The following WDFY3 variants were observed in gnomAD, a reference collection of about 807,000 sequenced individuals.
The protein encoded by WDFY3 is WD repeat and FYVE domain-containing protein 3.
Under a neutral mutation model 409.6 loss-of-function variants are expected in WDFY3, and 66 were observed. That is an observed-to-expected ratio of 0.16 (90% CI 0.13 to 0.20). The LOEUF (loss-of-function observed/expected upper bound fraction) is 0.20. WDFY3 is among the 10% of genes least tolerant of loss of function. The pLI is 1.00. For missense variants in WDFY3, 3,031 were observed against 4,298.1 expected (o/e 0.71, Z 8.24); for synonymous variants, 1,521 against 1,537.1 (o/e 0.99, Z 0.25).
At chr4:84,726,313 A>C (rs1735647570) in intron 45 of WDFY3, among the ~76,000 whole-genome samples, 1 of 152,130 alleles carries the variant, frequency 6.6e-6, no homozygotes, top group Non-Finnish European at 1.5e-5. Context: ...TTTTTTATTA[A>C]ATTATGTACT....
intron 35 of WDFY3, among the ~76,000 whole-genome samples, chr4:84,752,551 T>A (rs1578366798): frequency 1.3e-5 from 2 of 149,796 alleles, no homozygotes; most frequent in African/African-American, 2.4e-5. Context: ...AAAAAGATGC[T>A]GACAAGGAAA....
intron 27 of WDFY3, among the ~76,000 whole-genome samples, chr4:84,778,201 CT>C (rs1357989405): frequency 6.6e-6 from 1 of 152,122 alleles, no homozygotes; most frequent in Non-Finnish European, 1.5e-5. Context: ...GAAAAAGTTT[CT>C]ATCAGAATTG....
chr4:84,842,571 A>T (rs1757521771), intron 5 of WDFY3, among the ~76,000 whole-genome samples: 1 of 152,244 alleles, frequency 6.6e-6, no homozygotes, highest in African/African-American at 2.4e-5. Context: ...CAAGGTCAGG[A>T]GATCGAGGCC....
chr4:84,826,805 C>T lies in WDFY3; in HGVS notation c.1123+10G>A, dbSNP rs1466983149. On this transcript the variant is annotated intron_variant, in intron 10 of 67. Coordinates refer to ENST00000295888, the MANE Select transcript of WDFY3 (RefSeq NM_014991.6). ...TCTCAGTAGCACAGAAGGGAAAAAA[C>T]AAGACTCACCTTTGCCTGCAGGCTG... 2.5e-6 allele frequency: 4 copies of T among 1,582,262 alleles called. No individual in the cohort carries two copies. The highest frequency in any genetic ancestry group is 2.7e-5 in the African/African-American group (2 of 72,916).
At chr4:84,930,683 T>G (rs867051536) in intron 2 of WDFY3, among the ~76,000 whole-genome samples, 15 of 152,206 alleles carry the variant, frequency 9.9e-5, no homozygotes, top group African/African-American at 2.9e-4. Context: ...CTTATTGCAC[T>G]GTACCATTTT....
intron 40 of WDFY3, among the ~76,000 whole-genome samples, chr4:84,737,986 G>A (rs559428749): frequency 2.0e-5 from 3 of 152,242 alleles, no homozygotes; most frequent in Admixed American, 1.3e-4. Context: ...CTATTCTGAG[G>A]ACCTTGCTAT....
At chr4:84,838,667 T>C (rs991081508) in intron 6 of WDFY3, among the ~76,000 whole-genome samples, 2 of 152,194 alleles carry the variant, frequency 1.3e-5, no homozygotes, top group African/African-American at 4.8e-5. Context: ...ATACCCAACA[T>C]ACCATTTCTT....
At chr4:84,683,223 C>A (rs1727701498) in intron 63 of WDFY3, among the ~76,000 whole-genome samples, 1 of 152,096 alleles carries the variant, frequency 6.6e-6, no homozygotes, top group African/African-American at 2.4e-5. Context: ...TTTGTGTGTG[C>A]ACAGATGTGT....
chr4:84,851,153 C>A (rs1321908790), intron 4 of WDFY3, among the ~76,000 whole-genome samples: 1 of 150,688 alleles, frequency 6.6e-6, no homozygotes, highest in African/African-American at 2.4e-5. Context: ...AAAATGAAAC[C>A]TGGACAGACC....
At chr4:84,706,310 A>C (rs975317066) in intron 53 of WDFY3, among the ~76,000 whole-genome samples, 1 of 152,208 alleles carries the variant, frequency 6.6e-6, no homozygotes, top group African/African-American at 2.4e-5. Flanking sequence ...TTATGAATGT[A>C]AGTCAAGTTA....
At chr4:84,883,823 A>G (rs1015799915) in intron 3 of WDFY3, among the ~76,000 whole-genome samples, 32 of 152,158 alleles carry the variant, frequency 2.1e-4, no homozygotes, top group African/African-American at 7.5e-4. Flanking sequence ...TGTATTTCCA[A>G]TATCTAGGCT....
At chr4:84,915,752 A>T (rs1768393525) in intron 2 of WDFY3, among the ~76,000 whole-genome samples, 1 of 152,168 alleles carries the variant, frequency 6.6e-6, no homozygotes, top group Non-Finnish European at 1.5e-5. Flanking sequence ...AATAATCAAA[A>T]CTGTAGAACC....
chr4:84,917,554 T>G (rs1768671366), intron 2 of WDFY3, among the ~76,000 whole-genome samples: 1 of 152,144 alleles, frequency 6.6e-6, no homozygotes, highest in Non-Finnish European at 1.5e-5. Context: ...CATTCAGGCT[T>G]TACAATGTAA....
At chr4:84,702,627 A>G in intron 55 of WDFY3, 121 bp from the exon 56 acceptor site, 1 of 801,690 alleles carries the variant, frequency 1.2e-6, no homozygotes, top group Non-Finnish European at 1.8e-6. Flanking sequence ...CCATTATCCT[A>G]CATTAAATAC....
intron 7 of WDFY3, among the ~76,000 whole-genome samples, chr4:84,836,219 C>T (rs1045200739): frequency 1.3e-5 from 2 of 152,154 alleles, no homozygotes; most frequent in African/African-American, 4.8e-5. Context: ...ACCTGTATGA[C>T]TACTTTAGAT....
At chr4:84,695,857 A>G (rs556465448) in intron 58 of WDFY3, 113 bp downstream of exon 58, 431 of 994,570 alleles carry the variant, frequency 4.3e-4, no homozygotes, top group Middle Eastern at 3.9e-3. Flanking sequence ...GGTGATATTT[A>G]TGGCTCTTTA....
At chr4:84,924,166 AT>A (rs1444343535) in intron 2 of WDFY3, among the ~76,000 whole-genome samples, 6 of 152,240 alleles carry the variant, frequency 3.9e-5, no homozygotes, top group Admixed American at 1.3e-4. Flanking sequence ...TACAAAAAAA[AT>A]AATTGCAATG....
intron 39 of WDFY3, 85 bp from the exon 40 acceptor site, chr4:84,739,204 A>G: frequency 7.7e-7 from 1 of 1,302,766 alleles, no homozygotes; most frequent in Non-Finnish European, 1.1e-6. Context: ...TATTTCCATT[A>G]CCAGCAGACA....
rs370430228 is a variant in WDFY3, at chr4:84,906,124, C to G, written c.-131-9114G>C. Reference sequence around the variant, plus strand: ...CTTATATTCACCACCTAGTAAAATGCCTGTCATGTAAATTTTTCTTGAATG... The same window carrying G: ...CTTATATTCACCACCTAGTAAAATGGCTGTCATGTAAATTTTTCTTGAATG... On this transcript the variant is annotated intron_variant, in intron 2 of 67. Transcript: ENST00000295888. Among the ~76,000 whole-genome samples, 26 of 152,216 alleles carry G rather than the reference C, an allele frequency of 1.7e-4. No individual in the cohort carries two copies. In the East Asian group the frequency reaches 3.3e-3, roughly 19 times the overall value.
Sources: allele counts gnomAD v4.1 joint callset (sites outside exome capture counted in the v4.1 genomes callset), GRCh38; gene constraint gnomAD v4.1.1; transcripts MANE v1.5; gene names NCBI Gene and HGNC (gene_info 2026-07-23, HGNC 2026-07-21).